Variants in A1CF observed in about 807,000 individuals in gnomAD.
A1CF encodes APOBEC1 complementation factor.
A neutral mutation model predicts 68.9 loss-of-function variants in A1CF; 48 were observed. The observed-to-expected ratio is 0.70, with a 90% confidence interval of 0.55 to 0.89. The LOEUF is 0.89. Among genes scored for constraint, A1CF ranks in the 40% least tolerant of loss-of-function variants. The pLI, the probability that A1CF is intolerant of heterozygous loss-of-function variation, is 0.00. For synonymous variants in A1CF, 272 were observed against 260.4 expected, an observed-to-expected ratio of 1.04 and a Z score of -0.43; for missense variants, 653 against 718.9, an observed-to-expected ratio of 0.91 and a Z score of 1.05.
chr10:50,808,657 A>G (rs1195823112), intron 12 of A1CF, among the ~76,000 whole-genome samples: 1 of 152,198 alleles, frequency 6.6e-6, no homozygotes. Context: ...CGAGGGACTC[A>G]CCACAGAGCA....
At chr10:50,883,066 A>G (rs1841854357) in intron 1 of A1CF, among the ~76,000 whole-genome samples, 1 of 152,228 alleles carries the variant, frequency 6.6e-6, no homozygotes, top group African/African-American at 2.4e-5. Context: ...CTTTCTCTGA[A>G]TAAATGGAAT....
rs1189242248 is a variant in A1CF at position 50,806,467 on chromosome 10, C to T, written c.*262G>A. 1.3e-5 allele frequency: 3 copies of T among 238,954 alleles called. No homozygotes were observed. The highest frequency in any genetic ancestry group is 2.4e-5 in the Non-Finnish European group (3 of 126,088). The allele number at this position is 238,954 out of a possible 1,614,324, so 14.8% of individuals were successfully genotyped here. On this transcript the variant is annotated 3_prime_UTR_variant, in exon 13 of 13. Coordinates refer to ENST00000373997, the MANE Select transcript of A1CF (RefSeq NM_014576.4). ...TTTGTAAACATACTCCCCAAACACT[C>T]AGGAAGACTGGAAGAACAACTTTTG...
At chr10:50,817,092 A>G (rs747779225) in intron 8 of A1CF, among the ~76,000 whole-genome samples, 1 of 152,220 alleles carries the variant, frequency 6.6e-6, no homozygotes, top group Non-Finnish European at 1.5e-5. Flanking sequence ...TGTCAAAGAT[A>G]ATGGATGTAT....
At chr10:50,814,629 T>C (rs1197272993) in intron 9 of A1CF, among the ~76,000 whole-genome samples, 4 of 152,222 alleles carry the variant, frequency 2.6e-5, no homozygotes, top group African/African-American at 9.6e-5. Flanking sequence ...CATGCATAGA[T>C]TCCTTTTGAT....
chr10:50,880,326 A>T (rs1841710244), intron 1 of A1CF, among the ~76,000 whole-genome samples: 1 of 152,186 alleles, frequency 6.6e-6, no homozygotes, highest in African/African-American at 2.4e-5. Context: ...CTTTATTGGA[A>T]AAATGGCGTA....
At chr10:50,812,785 C>T (rs1838179346) in intron 10 of A1CF, among the ~76,000 whole-genome samples, 1 of 152,152 alleles carries the variant, frequency 6.6e-6, no homozygotes, top group African/African-American at 2.4e-5. Flanking sequence ...TTCTACATCT[C>T]CAGCACCTAG....
intron 10 of A1CF, among the ~76,000 whole-genome samples, chr10:50,812,089 T>C (rs1386093067): frequency 2.0e-5 from 3 of 152,258 alleles, no homozygotes; most frequent in African/African-American, 7.2e-5. Flanking sequence ...TTACTGTTTT[T>C]TCTATTGATA....
rs541930396 is a variant in A1CF at position 50,881,296 on chromosome 10, G to A, written c.-94+4285C>T. Among the ~76,000 whole-genome samples the A allele has an allele frequency of 2.2e-4, 33 of 152,102 alleles. No homozygotes were observed. In the South Asian group the frequency reaches 4.1e-3, roughly 19 times the overall value. On this transcript the variant is annotated intron_variant, in intron 1 of 12. Coordinates refer to ENST00000373997, the MANE Select transcript of A1CF (RefSeq NM_014576.4). ...GAGCCACTGCGCCCGGCCTCATCTAGCCTCTTAACTGATAGGTACATTAGT... is the reference window on the plus strand; with the variant it reads ...GAGCCACTGCGCCCGGCCTCATCTAACCTCTTAACTGATAGGTACATTAGT...
chr10:50,817,057 T>C (rs2132341401), intron 8 of A1CF, among the ~76,000 whole-genome samples: 1 of 152,184 alleles, frequency 6.6e-6, no homozygotes, highest in East Asian at 1.9e-4. Flanking sequence ...CTGACACAAA[T>C]TCTGAGACTG....
chr10:50,852,873 T>C (rs184429869), intron 3 of A1CF, among the ~76,000 whole-genome samples: 31 of 152,280 alleles, frequency 2.0e-4, no homozygotes, highest in South Asian at 6.2e-4. Flanking sequence ...AACATTCAAT[T>C]AAAATTACCT....
rs368886260 is a variant in A1CF at position 50,806,852 on chromosome 10, G to A, written c.1638C>T (p.Pro546=). 34 of 1,612,600 alleles carry A rather than the reference G, an allele frequency of 2.1e-5. No homozygotes were observed. Among genetic ancestry groups the A allele is most frequent in the East Asian group, 8.9e-5 (4 of 44,834 alleles). ...CTTGCTTGAGCTGGGCTGCAGACAC[G>A]GGTGCAGTTGCATTAGGGACAGCAT... ...PGYAVPNATA[P]VSAAQLKQAV... Residue 546 remains proline (P), a synonymous_variant, in exon 13 of 13, where the codon CCC becomes CCT. Transcript: ENST00000373997.
At chr10:50,809,825 A>C in intron 12 of A1CF, 69 bp downstream of exon 12, 1 of 1,590,072 alleles carries the variant, frequency 6.3e-7, no homozygotes, top group Admixed American at 1.7e-5. Context: ...TCTGTGATTC[A>C]ATGGTACCAA....
rs764583061 is a variant in A1CF, at chr10:50,828,201, T to C, written c.699A>G (p.Leu233=). The change falls in exon 7 of 13, where the codon CTA becomes CTG. Residue 233 remains leucine (L), a synonymous_variant. Coordinates refer to ENST00000373997, the MANE Select transcript of A1CF (RefSeq NM_014576.4). ...TAGACAGCATAAGATTTCTTACATA[T>C]AGGATTTTCACTGAAGACATTGTAT... ...DEDTMSSVKI[L]YVRNLMLSTS... The C allele has an allele frequency of 1.6e-5, 25 of 1,609,692 alleles. 1 individual carries two copies. The South Asian group carries it at 2.4e-4, about 16-fold the overall frequency.
chr10:50,878,918 C>G (rs144601492), intron 1 of A1CF, among the ~76,000 whole-genome samples: 479 of 152,242 alleles, frequency 3.1e-3, no homozygotes, highest in Admixed American at 6.3e-3. Flanking sequence ...CAGACAAATA[C>G]CTGCTACTCA....
chr10:50,860,961 G>A (rs1840717791), intron 2 of A1CF, among the ~76,000 whole-genome samples: 1 of 152,116 alleles, frequency 6.6e-6, no homozygotes, highest in Non-Finnish European at 1.5e-5. Context: ...AATGTGCTCT[G>A]CCAACCAGGA....
chr10:50,873,532 T>C (rs1038780216), intron 1 of A1CF, among the ~76,000 whole-genome samples: 1 of 152,200 alleles, frequency 6.6e-6, no homozygotes, highest in African/African-American at 2.4e-5. Flanking sequence ...TCTGTTTTAT[T>C]CTTTAATTTT....
intron 1 of A1CF, among the ~76,000 whole-genome samples, chr10:50,873,843 A>T (rs1350727518): frequency 6.6e-6 from 1 of 152,208 alleles, no homozygotes; most frequent in African/African-American, 2.4e-5. Context: ...TAATGAAAAT[A>T]TCTATAGAGA....
intron 1 of A1CF, among the ~76,000 whole-genome samples, chr10:50,866,726 C>T (rs1284140287): frequency 6.6e-6 from 1 of 152,096 alleles, no homozygotes; most frequent in Non-Finnish European, 1.5e-5. Flanking sequence ...AGAACCAAGT[C>T]ATGGAAAGAA....
At chr10:50,834,197 G>A (rs1290378280) in intron 6 of A1CF, among the ~76,000 whole-genome samples, 1 of 152,182 alleles carries the variant, frequency 6.6e-6, no homozygotes, top group Non-Finnish European at 1.5e-5. Flanking sequence ...CTTGACCCTG[G>A]AAACTGTCTT....
Sources: allele counts gnomAD v4.1 joint callset (sites outside exome capture counted in the v4.1 genomes callset), GRCh38; gene constraint gnomAD v4.1.1; transcripts MANE v1.5; gene names NCBI Gene and HGNC (gene_info 2026-07-23, HGNC 2026-07-21).